Variants in KNDC1 observed in about 807,000 individuals in gnomAD.
The protein encoded by KNDC1 is kinase non-catalytic C-lobe domain-containing protein 1.
KNDC1 carries 106 observed loss-of-function variants against 172.8 expected under a neutral mutation model. The observed-to-expected ratio is 0.61, with a 90% confidence interval of 0.52 to 0.72. The LOEUF (loss-of-function observed/expected upper bound fraction) is 0.72, where lower values mean the gene tolerates loss of function less well. Among genes scored for constraint, KNDC1 ranks in the 30% least tolerant of loss-of-function variants. KNDC1 has a pLI of 0.00. For missense variants in KNDC1, 2,325 were observed against 2,394.5 expected (o/e 0.97, Z 0.61); for synonymous variants, 1,083 against 1,062.2 (o/e 1.02, Z -0.38).
chr10:133,217,404 G>C (rs1175601834), intron 26 of KNDC1, among the ~76,000 whole-genome samples: 1 of 152,252 alleles, frequency 6.6e-6, no homozygotes, highest in African/African-American at 2.4e-5. Context: ...GGCGCCTTCA[G>C]CTGCACAGGG....
intron 8 of KNDC1, 38 bp downstream of exon 8, chr10:133,189,707 C>T (rs1420167242): frequency 1.4e-5 from 22 of 1,613,832 alleles, no homozygotes; most frequent in South Asian, 5.5e-5. Context: ...AGTCCAGCAC[C>T]GGCTCGCCAG....
At chr10:133,172,908 C>T (rs1305815886) in intron 3 of KNDC1, among the ~76,000 whole-genome samples, 1 of 152,144 alleles carries the variant, frequency 6.6e-6, no homozygotes, top group Admixed American at 6.5e-5. Context: ...GAGGCTGAGG[C>T]GGGAGGACTG....
chr10:133,182,633 AG>A (rs1853751237), intron 3 of KNDC1, among the ~76,000 whole-genome samples: 1 of 152,266 alleles, frequency 6.6e-6, no homozygotes, highest in African/African-American at 2.4e-5. Flanking sequence ...CCACCCTCTC[AG>A]GCAAGGGAGG....
chr10:133,216,673 AAAAAAAT>A (rs762475421), intron 26 of KNDC1, among the ~76,000 whole-genome samples: 1 of 152,090 alleles, frequency 6.6e-6, no homozygotes, highest in Non-Finnish European at 1.5e-5. Context: ...CCCTATCTCA[AAAAAAAT>A]AAAAAATAAA....
chr10:133,180,254 G>T (rs1044415162), intron 3 of KNDC1, among the ~76,000 whole-genome samples: 2 of 152,208 alleles, frequency 1.3e-5, no homozygotes, highest in African/African-American at 2.4e-5. Context: ...CATCCTTCAG[G>T]TCAGAAGCTT....
rs778242210 is a variant in KNDC1, at chr10:133,201,640, G to T, written c.3129G>T (p.Glu1043Asp). Residue 1043 changes from glutamate to aspartate, a missense_variant, in exon 17 of 30, where the codon GAG becomes GAT. Coordinates refer to ENST00000304613, the MANE Select transcript of KNDC1 (RefSeq NM_152643.8). Reference protein sequence around the residue: ...GFRPQRSVKAERAQQPEAGED... With the variant: ...GFRPQRSVKADRAQQPEAGED... The stretch of plus-strand genomic sequence containing the variant: ...GGCCTCAGAGGTCCGTAAAAGCCGA[G>T]AGAGCGCAGCAGCCTGAGGCTGGCG... 1 of 1,613,110 alleles carries T rather than the reference G, an allele frequency of 6.2e-7. No homozygotes were observed. Among genetic ancestry groups the T allele is most frequent in the Non-Finnish European group, 8.5e-7 (1 of 1,179,964 alleles).
chr10:133,207,819 G>A (rs191017435), intron 20 of KNDC1, among the ~76,000 whole-genome samples: 1 of 152,344 alleles, frequency 6.6e-6, no homozygotes, highest in African/African-American at 2.4e-5. Context: ...AAACGCTGGT[G>A]TGCGTACGTA....
intron 7 of KNDC1, among the ~76,000 whole-genome samples, chr10:133,188,877 G>T (rs369156200): frequency 6.6e-6 from 1 of 151,938 alleles, no homozygotes; most frequent in East Asian, 1.9e-4. Context: ...GGCGGCTCCC[G>T]TCTGGAGCAC....
chr10:133,212,717 G>C lies in KNDC1; in HGVS notation c.4238G>C (p.Ser1413Thr), dbSNP rs1845392955. 1 of 1,612,254 alleles carries C rather than the reference G, an allele frequency of 6.2e-7. No homozygotes were observed. Among genetic ancestry groups the C allele is most frequent in the South Asian group, 1.1e-5 (1 of 91,008 alleles). ...CTCAGTGCCCGGCCTGCCCTGCAGA[G>C]CTTCCCCTGGAGGCTGCCCCGAGGC... ...RLSEDGISRK[S>T]FPWRLPRGNG... The change falls in exon 24 of 30, where the codon AGC becomes ACC. Residue 1413 changes from serine (S) to threonine (T), a missense_variant and splice_region_variant. Ser to Thr is a moderately conservative substitution (Grantham distance 58). Coordinates refer to ENST00000304613, the MANE Select transcript of KNDC1 (RefSeq NM_152643.8).
chr10:133,166,115 C>T (rs1450841822), intron 1 of KNDC1, among the ~76,000 whole-genome samples: 2 of 152,172 alleles, frequency 1.3e-5, no homozygotes, highest in Non-Finnish European at 2.9e-5. Context: ...CAGTGCCAGC[C>T]GCTGGGGCAG....
At chr10:133,187,567 G>A (rs1589751498) in intron 6 of KNDC1, among the ~76,000 whole-genome samples, 2 of 152,206 alleles carry the variant, frequency 1.3e-5, no homozygotes, top group African/African-American at 2.4e-5. Context: ...GTGCCCCGTC[G>A]CCCTCCACCA....
intron 3 of KNDC1, among the ~76,000 whole-genome samples, chr10:133,180,202 C>T (rs73388511): frequency 0.057 from 8,700 of 152,358 alleles, 791 homozygotes; most frequent in African/African-American, 0.19. Context: ...TCCTGACCCC[C>T]GCGGGCAGCA....
intron 3 of KNDC1, among the ~76,000 whole-genome samples, chr10:133,174,442 G>A (rs528949206): frequency 3.3e-5 from 5 of 152,276 alleles, no homozygotes; most frequent in East Asian, 1.9e-4. Flanking sequence ...AAGGAAGGGC[G>A]GTGAGTGGGA....
At chr10:133,179,725 C>T (rs928277297) in intron 3 of KNDC1, among the ~76,000 whole-genome samples, 2 of 152,238 alleles carry the variant, frequency 1.3e-5, no homozygotes, top group Non-Finnish European at 2.9e-5. Context: ...ATGCCCATCG[C>T]GATCGCAGGC....
intron 9 of KNDC1, among the ~76,000 whole-genome samples, chr10:133,191,067 G>T (rs954814726): frequency 6.6e-6 from 1 of 152,234 alleles, no homozygotes; most frequent in Non-Finnish European, 1.5e-5. Flanking sequence ...GGCCGGGCAT[G>T]GTGACTCACG....
At chr10:133,167,064 G>A (rs1038176821) in intron 1 of KNDC1, 4 of 425,716 alleles carry the variant, frequency 9.4e-6, no homozygotes, top group African/African-American at 8.0e-5. Context: ...TGCGGGGTCG[G>A]GGTGCTCCAC....
At chr10:133,218,767 C>G (rs1845520615) in intron 26 of KNDC1, 64 bp from the exon 27 acceptor site, 4 of 1,569,952 alleles carry the variant, frequency 2.5e-6, no homozygotes, top group Non-Finnish European at 3.5e-6. Context: ...TTAACAGGTT[C>G]TCAAATATTC....
chr10:133,215,929 G>A (rs1402961037), intron 26 of KNDC1, among the ~76,000 whole-genome samples: 1 of 152,264 alleles, frequency 6.6e-6, no homozygotes, highest in Non-Finnish European at 1.5e-5. Context: ...GGATCGCTCA[G>A]AACAGGCCCC....
rs1267067618 is a variant in KNDC1 at position 133,186,213 on chromosome 10, C to T, written c.865C>T (p.Leu289Phe). The T allele has an allele frequency of 6.3e-7, 1 of 1,576,994 alleles. No individual in the cohort carries two copies. The highest frequency in any genetic ancestry group is 1.8e-5 in the Admixed American group (1 of 55,646). Residue 289 changes from leucine to phenylalanine, a missense_variant, in exon 6 of 30, where the codon CTC (leucine) becomes TTC (phenylalanine). Transcript: ENST00000304613. ...CCTCGTCCTGGATGCCGAGCGCACC[C>T]TCGGGGAGCTGGACAGAGACGCCCT... The part of the protein sequence containing the change: ...AGLVLDAERT[L>F]GELDRDALRR...
Sources: allele counts gnomAD v4.1 joint callset (sites outside exome capture counted in the v4.1 genomes callset), GRCh38; gene constraint gnomAD v4.1.1; transcripts MANE v1.5; gene names NCBI Gene and HGNC (gene_info 2026-07-23, HGNC 2026-07-21).